The following MTF1 variants were observed in gnomAD, a reference collection of about 807,000 sequenced individuals.
The protein encoded by MTF1 is metal regulatory transcription factor 1, also known as MRE-binding transcription factor.
A neutral mutation model predicts 70.4 loss-of-function variants in MTF1; 22 were observed. The observed-to-expected ratio is 0.31, with a 90% CI of 0.22 to 0.45. The LOEUF (loss-of-function observed/expected upper bound fraction) is 0.45. Ranked by LOEUF, MTF1 falls within the 20% of genes least tolerant of loss-of-function variation. The probability of loss-of-function intolerance (pLI) is 1.00; values close to 1 mark genes in which losing one functional copy is unlikely to be tolerated. For missense variants in MTF1, 649 were observed against 922.0 expected, an observed-to-expected ratio of 0.70 and a Z score of 3.83; for synonymous variants, 333 against 352.8, an observed-to-expected ratio of 0.94 and a Z score of 0.63.
chr1:37,822,518 G>A lies in MTF1; in HGVS notation c.1370C>T (p.Ala457Val), dbSNP rs753942511. 3.5e-5 allele frequency: 56 copies of A among 1,614,010 alleles called. 1 individual carries two copies. The highest frequency in any genetic ancestry group is 4.4e-5 in the Non-Finnish European group (52 of 1,180,026). The change falls in exon 9 of 11, where the codon GCA (alanine) becomes GTA (valine). Residue 457 changes from alanine to valine, a missense_variant. This residue lies in a region of MTF1 where 267 missense variants were observed against 292.1 expected (regional missense o/e 0.91). Transcript: ENST00000373036. ...PSLGPGSQQAAFGNPPALLQP... is the reference protein window; with the variant it reads ...PSLGPGSQQAVFGNPPALLQP... ...TAAGAGAGCAGGGGGGTTGCCAAAT[G>A]CAGCTTGCTGGGAGCCAGGTCCTAG...
intron 2 of MTF1, among the ~76,000 whole-genome samples, chr1:37,855,287 C>G (rs1004518866): frequency 1.3e-5 from 2 of 152,130 alleles, no homozygotes; most frequent in Non-Finnish European, 2.9e-5. Context: ...GCAGCACCTG[C>G]AGAAAGGCAG....
chr1:37,822,395 C>G lies in MTF1; in HGVS notation c.1493G>C (p.Gly498Ala), dbSNP rs1223162615. 1 of 1,614,134 alleles carries G rather than the reference C, an allele frequency of 6.2e-7. No homozygotes were observed. Among genetic ancestry groups the G allele is most frequent in the Admixed American group, 1.7e-5 (1 of 60,008 alleles). The change falls in exon 9 of 11, where the codon GGA becomes GCA. Residue 498 changes from glycine to alanine, a missense_variant. Physicochemically the swap from Gly to Ala is moderately conservative, Grantham distance 60. This residue lies in a region of MTF1 where 267 missense variants were observed against 292.1 expected (regional missense o/e 0.91). Coordinates refer to ENST00000373036, the MANE Select transcript of MTF1 (RefSeq NM_005955.3). ...HPQAPQPIVPGLSVVAGASAS... is the reference protein window; with the variant it reads ...HPQAPQPIVPALSVVAGASAS... ...AGAAGCCCCAGCAACAACAGAAAGTCCTGGTACAATGGGCTGCGGTGCCTG... is the reference window on the plus strand; with the variant it reads ...AGAAGCCCCAGCAACAACAGAAAGTGCTGGTACAATGGGCTGCGGTGCCTG...
intron 2 of MTF1, among the ~76,000 whole-genome samples, chr1:37,845,832 G>A (rs189611065): frequency 6.6e-6 from 1 of 152,204 alleles, no homozygotes; most frequent in Admixed American, 6.5e-5. Flanking sequence ...TAAAAGTGGG[G>A]GAGACAGTTG....
rs565507113 is a variant in MTF1 at position 37,854,990 on chromosome 1, C to T, written c.408+2261G>A. 2.5e-4 allele frequency among the ~76,000 whole-genome samples: 38 copies of T among 152,156 alleles called. No individual in the cohort carries two copies. In the South Asian group the frequency reaches 7.5e-3, roughly 30 times the overall value. On this transcript the variant is annotated intron_variant, in intron 2 of 10. Coordinates refer to ENST00000373036, the MANE Select transcript of MTF1 (RefSeq NM_005955.3). ...AGGAGAATCGCTTGAACCTGGGAGG[C>T]GGAGGTTGCAGTGAGCCGGGATCAC... is the stretch of plus-strand genomic sequence containing the variant.
rs1640919549 is a variant in MTF1 at position 37,822,127 on chromosome 1, T to C, written c.1761A>G (p.Glu587=). Residue 587 remains glutamate, a synonymous_variant, in exon 9 of 11, where the codon GAA becomes GAG. Coordinates refer to ENST00000373036, the MANE Select transcript of MTF1 (RefSeq NM_005955.3). ...NGATSSPQNQ[E]QIQQASKVEK... ...ATTCATACATAATACTTACAATTTG[T>C]TCTTGGTTTTGTGGAGAACTGGTGG... 6.3e-7 allele frequency: 1 copy of C among 1,592,274 alleles called. No individual in the cohort carries two copies. Among genetic ancestry groups the C allele is most frequent in the African/African-American group, 1.3e-5 (1 of 74,564 alleles).
At chr1:37,855,816 G>C (rs922034282) in intron 2 of MTF1, among the ~76,000 whole-genome samples, 1 of 152,012 alleles carries the variant, frequency 6.6e-6, no homozygotes, top group South Asian at 2.1e-4. Flanking sequence ...AAATTAGCTG[G>C]GCATGGTGGT....
chr1:37,852,688 T>TG (rs1371954526), intron 2 of MTF1, among the ~76,000 whole-genome samples: 2 of 152,026 alleles, frequency 1.3e-5, no homozygotes, highest in African/African-American at 2.4e-5. Flanking sequence ...TGGAATGCAG[T>TG]GGCACAATCA....
intron 2 of MTF1, among the ~76,000 whole-genome samples, chr1:37,848,827 A>G (rs1641371783): frequency 6.6e-6 from 1 of 152,224 alleles, no homozygotes; most frequent in African/African-American, 2.4e-5. Context: ...CTGCAAAGAA[A>G]TGTAATCACA....
intron 10 of MTF1, among the ~76,000 whole-genome samples, chr1:37,816,817 G>A (rs1379448375): frequency 1.3e-5 from 2 of 152,118 alleles, no homozygotes; most frequent in South Asian, 2.1e-4. Context: ...AGCTGTGATC[G>A]TGCCACCATA....
chr1:37,834,925 G>A (rs2148410839), intron 6 of MTF1, among the ~76,000 whole-genome samples, 154 bp downstream of exon 6: 1 of 152,332 alleles, frequency 6.6e-6, no homozygotes. Context: ...CGAGTAGGTG[G>A]TTAAATACAC....
chr1:37,821,100 C>T (rs2148401539), intron 9 of MTF1, among the ~76,000 whole-genome samples: 1 of 151,960 alleles, frequency 6.6e-6, no homozygotes, highest in East Asian at 1.9e-4. Context: ...GGCTTGAGCT[C>T]AAGAGGTGGA....
chr1:37,841,098 TG>T, intron 2 of MTF1: 1 of 171,102 alleles, frequency 5.8e-6, no homozygotes, highest in Non-Finnish European at 1.3e-5. Context: ...GACTTTTTGC[TG>T]GGGTCACCTC....
intron 7 of MTF1, among the ~76,000 whole-genome samples, chr1:37,829,609 T>C (rs1253860989): frequency 6.6e-6 from 1 of 151,932 alleles, no homozygotes; most frequent in Non-Finnish European, 1.5e-5. Context: ...GGTGAAACCC[T>C]GTCTCTACTA....
chr1:37,828,648 C>T lies in MTF1; in HGVS notation c.1068+3597G>A, dbSNP rs956801381. On this transcript the variant is annotated intron_variant, in intron 7 of 10. Coordinates refer to ENST00000373036, the MANE Select transcript of MTF1 (RefSeq NM_005955.3). ...CGGGGTGCTGGTTACATGGGTGTGA[C>T]GAATTGTGATGATTCATCAAGCTGT... Among the ~76,000 whole-genome samples the T allele has an allele frequency of 5.3e-5, 8 of 152,042 alleles. No individual in the cohort carries two copies. In the South Asian group the frequency reaches 1.5e-3, roughly 28 times the overall value.
chr1:37,837,963 T>A (rs1297452430), intron 4 of MTF1, among the ~76,000 whole-genome samples: 1 of 152,196 alleles, frequency 6.6e-6, no homozygotes, highest in African/African-American at 2.4e-5. Flanking sequence ...TGCTATATAC[T>A]ATGAGCAGAG....
At chr1:37,831,492 G>C (rs554204540) in intron 7 of MTF1, among the ~76,000 whole-genome samples, 2 of 152,208 alleles carry the variant, frequency 1.3e-5, no homozygotes, top group East Asian at 3.9e-4. Flanking sequence ...TATTTACCAG[G>C]AAAAACGACA....
intron 10 of MTF1, among the ~76,000 whole-genome samples, chr1:37,816,546 A>G (rs940379535): frequency 4.6e-5 from 7 of 151,928 alleles, no homozygotes; most frequent in Admixed American, 1.3e-4. Context: ...ATAGTGTTGA[A>G]TGCCTGTAAT....
chr1:37,859,404 G>A (rs1019336220), intron 1 of MTF1, 127 bp downstream of exon 1: 11 of 397,820 alleles, frequency 2.8e-5, no homozygotes, highest in Non-Finnish European at 4.0e-5. Context: ...CATGGAAACG[G>A]AGAAGGGGTG....
chr1:37,843,265 C>T (rs1308294423), intron 2 of MTF1, among the ~76,000 whole-genome samples: 2 of 151,174 alleles, frequency 1.3e-5, no homozygotes, highest in African/African-American at 2.4e-5. Context: ...CATCCCAAAG[C>T]AATAGGACTA....
Sources: allele counts gnomAD v4.1 joint callset (sites outside exome capture counted in the v4.1 genomes callset), GRCh38; gene constraint gnomAD v4.1.1; regional missense constraint gnomAD v4.1.1; transcripts MANE v1.5; gene names NCBI Gene and HGNC (gene_info 2026-07-23, HGNC 2026-07-21).